AGBL2: variants seen among roughly 807,000 people sequenced by gnomAD.
The protein encoded by AGBL2 is AGBL carboxypeptidase 2.
A neutral mutation model predicts 103.0 loss-of-function variants in AGBL2; 87 were observed. The ratio of observed to expected loss-of-function variants is 0.84; its 90% CI spans 0.71 to 1.01. The LOEUF (loss-of-function observed/expected upper bound fraction) is 1.01. Among genes scored for constraint, AGBL2 ranks in the 50% least tolerant of loss-of-function variants. The probability of loss-of-function intolerance (pLI) is 0.00; values close to 1 mark genes in which losing one functional copy is unlikely to be tolerated. For synonymous variants in AGBL2, 335 were observed against 356.7 expected, an observed-to-expected ratio of 0.94 and a Z score of 0.69; for missense variants, 904 against 1,023.5, an observed-to-expected ratio of 0.88 and a Z score of 1.59.
At chr11:47,676,557 C>G (rs527241402) in intron 14 of AGBL2, among the ~76,000 whole-genome samples, 75 of 152,306 alleles carry the variant, frequency 4.9e-4, no homozygotes, top group African/African-American at 1.8e-3. Context: ...CGGCGGCTCA[C>G]GCCTGTAATC....
rs1032303696 is a variant in AGBL2 at position 47,690,848 on chromosome 11, C to G, written c.859G>C (p.Glu287Gln). The G allele has an allele frequency of 3.1e-6, 5 of 1,608,880 alleles. No homozygotes were observed. In the East Asian group the frequency reaches 1.1e-4, roughly 36 times the overall value. The change falls in exon 10 of 19, where the codon GAG becomes CAG. Residue 287 changes from glutamate (E) to glutamine (Q), a missense_variant. Physicochemically the swap from Glu to Gln is conservative, Grantham distance 29. Coordinates refer to ENST00000525123, the MANE Select transcript of AGBL2 (RefSeq NM_024783.4). Reference protein sequence around the residue: ...LQKAVRVDTYEYELTLRTDLY... With the variant: ...LQKAVRVDTYQYELTLRTDLY... ...TCAGTTCGCAAGGTGAGTTCATACTCATAGGTGTCTCTGTAATGGAGAAAA... is the reference window on the plus strand; with the variant it reads ...TCAGTTCGCAAGGTGAGTTCATACTGATAGGTGTCTCTGTAATGGAGAAAA...
chr11:47,686,959 C>CAAA (rs56079169), intron 10 of AGBL2, among the ~76,000 whole-genome samples: 6 of 51,586 alleles, frequency 1.2e-4, no homozygotes, highest in Non-Finnish European at 2.0e-4. Flanking sequence ...AACTCTATCT[C>CAAA]AAAAAAAAAA....
intron 12 of AGBL2, among the ~76,000 whole-genome samples, chr11:47,681,344 T>C (rs2097400425): frequency 6.6e-6 from 1 of 151,034 alleles, no homozygotes; most frequent in African/African-American, 2.4e-5. Context: ...ACAAAATAAA[T>C]AAAAATTAAA....
intron 7 of AGBL2, among the ~76,000 whole-genome samples, chr11:47,701,845 G>A (rs1296022591): frequency 6.6e-6 from 1 of 151,608 alleles, no homozygotes; most frequent in Non-Finnish European, 1.5e-5. Flanking sequence ...GTGGTGGCAC[G>A]TGCCTGTAAT....
At chr11:47,667,240 A>C (rs2097343697) in intron 16 of AGBL2, among the ~76,000 whole-genome samples, 177 bp from the exon 17 acceptor site, 1 of 152,194 alleles carries the variant, frequency 6.6e-6, no homozygotes, top group African/African-American at 2.4e-5. Flanking sequence ...CTTAGCCTGG[A>C]CCAGGCCTGG....
chr11:47,672,686 C>T (rs1367373051), intron 14 of AGBL2, among the ~76,000 whole-genome samples: 1 of 152,056 alleles, frequency 6.6e-6, no homozygotes, highest in South Asian at 2.1e-4. Flanking sequence ...GCATAGGATT[C>T]TGAGAGAGTG....
intron 13 of AGBL2, among the ~76,000 whole-genome samples, chr11:47,678,330 A>ATTATTTTTTTTTTT (rs1565026506): frequency 3.1e-4 from 35 of 114,498 alleles, no homozygotes; most frequent in East Asian, 9.2e-4. Flanking sequence ...ATTTTATTTT[A>ATTATTTTTTTTTTT]TTTTATTATT....
Position 47,690,227 on chromosome 11 carries a change from C to T in AGBL2, c.1480G>A (p.Val494Ile), listed in dbSNP as rs753117975. ...TTTAACATGGGAAGCACCTTGAAGA[C>T]AAAAATATCTCTGAGGAGCTGGGCA... ...PDAQLLRDIF[V>I]FKVLPMLNPD... is the part of the protein sequence containing the mutation. The change falls in exon 10 of 19, where the codon GTC becomes ATC. Residue 494 changes from valine (V) to isoleucine (I), a missense_variant. Physicochemically the swap from Val to Ile is conservative, Grantham distance 29. Coordinates refer to ENST00000525123, the MANE Select transcript of AGBL2 (RefSeq NM_024783.4). The T allele has an allele frequency of 6.2e-7, 1 of 1,614,070 alleles. No individual in the cohort carries two copies. Among genetic ancestry groups the T allele is most frequent in the Non-Finnish European group, 8.5e-7 (1 of 1,180,018 alleles).
intron 14 of AGBL2, among the ~76,000 whole-genome samples, chr11:47,673,311 A>AC (rs755957683): frequency 2.8e-4 from 43 of 152,078 alleles, no homozygotes; most frequent in Non-Finnish European, 4.4e-4. Flanking sequence ...ACATGGTGAA[A>AC]CCCCATCTCT....
chr11:47,714,483 G>T, intron 2 of AGBL2, 135 bp downstream of exon 2: 5 of 1,315,692 alleles, frequency 3.8e-6, no homozygotes, highest in Non-Finnish European at 5.5e-6. Flanking sequence ...ATTCTATCGT[G>T]GGGATCAAGA....
chr11:47,715,123 T>C, intron 1 of AGBL2, 52 bp downstream of exon 1: 1 of 162,618 alleles, frequency 6.1e-6, no homozygotes, highest in East Asian at 1.8e-4. Context: ...CTGGGGCAGG[T>C]GGTGAGGGGG....
At chr11:47,679,339 C>T (rs1039635561) in intron 13 of AGBL2, among the ~76,000 whole-genome samples, 7 of 151,534 alleles carry the variant, frequency 4.6e-5, no homozygotes, top group South Asian at 2.1e-4. Context: ...TGCAATGAGC[C>T]GTGATCACCC....
intron 17 of AGBL2, among the ~76,000 whole-genome samples, chr11:47,663,406 C>A (rs1255122254): frequency 6.6e-6 from 1 of 152,156 alleles, no homozygotes; most frequent in Non-Finnish European, 1.5e-5. Context: ...AACTTAGTAA[C>A]CCCAGGGTGG....
intron 1 of AGBL2, 186 bp downstream of exon 1, chr11:47,714,989 A>T: frequency 3.2e-6 from 1 of 316,800 alleles, no homozygotes; most frequent in Non-Finnish European, 6.0e-6. Flanking sequence ...TCGCCACAGG[A>T]AAGTGAAAGA....
chr11:47,697,465 C>G (rs1411163968), intron 8 of AGBL2, among the ~76,000 whole-genome samples: 1 of 151,596 alleles, frequency 6.6e-6, no homozygotes, highest in Non-Finnish European at 1.5e-5. Flanking sequence ...GTCTCGATCT[C>G]CTGACCTTAT....
chr11:47,666,214 C>T (rs538666105), intron 17 of AGBL2, among the ~76,000 whole-genome samples: 36 of 151,450 alleles, frequency 2.4e-4, no homozygotes, highest in African/African-American at 8.7e-4. Flanking sequence ...GGCAACATGT[C>T]GAAACCCTGT....
rs756458003 is a variant in AGBL2, at chr11:47,690,350, T to G, written c.1357A>C (p.Lys453Gln). The G allele has an allele frequency of 1.1e-5, 17 of 1,613,920 alleles. No individual in the cohort carries two copies. The highest frequency in any genetic ancestry group is 1.4e-5 in the Non-Finnish European group (17 of 1,179,950). Reference sequence around the variant, plus strand: ...ACTCTGGCACTCAAGACCACAGCTTTCTTTGCAGCTGCCTCTTGAGGGGTC... The same window carrying G: ...ACTCTGGCACTCAAGACCACAGCTTGCTTTGCAGCTGCCTCTTGAGGGGTC... ...SQTPQEAAAK[K>Q]AVVLSARVHP... Residue 453 changes from lysine to glutamine, a missense_variant, in exon 10 of 19, where the codon AAA becomes CAA. Lys to Gln is a moderately conservative substitution (Grantham distance 53). Transcript: ENST00000525123.
chr11:47,675,863 G>A (rs961684183), intron 14 of AGBL2, among the ~76,000 whole-genome samples: 1 of 152,086 alleles, frequency 6.6e-6, no homozygotes, highest in East Asian at 1.9e-4. Flanking sequence ...AAAATTAACC[G>A]GGCATGATGG....
At chr11:47,701,791 GGTGAAACCCC>G (rs2097500108) in intron 7 of AGBL2, among the ~76,000 whole-genome samples, 1 of 151,916 alleles carries the variant, frequency 6.6e-6, no homozygotes, top group South Asian at 2.1e-4. Flanking sequence ...TGGCCTACAT[GGTGAAACCCC>G]GTCTCTACCA....
Sources: allele counts gnomAD v4.1 joint callset (sites outside exome capture counted in the v4.1 genomes callset), GRCh38; gene constraint gnomAD v4.1.1; transcripts MANE v1.5; gene names NCBI Gene and HGNC (gene_info 2026-07-23, HGNC 2026-07-21).